The following STK10 variants were observed in gnomAD, a reference collection of about 807,000 sequenced individuals.
STK10 encodes the protein serine/threonine-protein kinase 10.
Under a neutral mutation model 113.8 loss-of-function variants are expected in STK10, and 78 were observed. The ratio of observed to expected loss-of-function variants is 0.69; its 90% CI spans 0.57 to 0.83. The LOEUF is 0.83. STK10 is among the 40% of genes least tolerant of loss of function. The pLI, the probability that STK10 is intolerant of heterozygous loss-of-function variation, is 0.00. For synonymous variants in STK10, 465 were observed against 494.7 expected (o/e 0.94, Z 0.80); for missense variants, 1,109 against 1,280.1 (o/e 0.87, Z 2.04).
At chr5:172,113,662 A>G (rs995686681) in intron 4 of STK10, among the ~76,000 whole-genome samples, 4 of 152,216 alleles carry the variant, frequency 2.6e-5, no homozygotes, top group African/African-American at 9.6e-5. Flanking sequence ...CATGCCTGTA[A>G]TCCCAGCACT....
At chr5:172,063,025 G>A (rs1390872032) in intron 13 of STK10, among the ~76,000 whole-genome samples, 4 of 152,280 alleles carry the variant, frequency 2.6e-5, no homozygotes, top group Non-Finnish European at 5.9e-5. Context: ...TGAGGCAGGC[G>A]GATCACCTGA....
chr5:172,134,920 T>A (rs1262140928), intron 2 of STK10, among the ~76,000 whole-genome samples: 1 of 144,464 alleles, frequency 6.9e-6, no homozygotes, highest in Non-Finnish European at 1.5e-5. Context: ...CAAGACTTTA[T>A]CTCAAAAAAA....
rs1413657456 is a variant in STK10, at chr5:172,080,295, C to T, written c.1989+2031G>A. Reference sequence around the variant, plus strand: ...TCAGGCCTCCCTATTCTCTGAGACACAACGATATTGATATTAGGCCAATTA... The same window carrying T: ...TCAGGCCTCCCTATTCTCTGAGACATAACGATATTGATATTAGGCCAATTA... On this transcript the variant is annotated intron_variant, in intron 12 of 18. Transcript: ENST00000176763. 2.0e-5 allele frequency among the ~76,000 whole-genome samples: 3 copies of T among 152,114 alleles called. 1 individual carries two copies. The highest frequency in any genetic ancestry group is 2.0e-4 in the Admixed American group (3 of 15,268).
chr5:172,141,759 T>C (rs1160460661), intron 2 of STK10, among the ~76,000 whole-genome samples: 1 of 152,012 alleles, frequency 6.6e-6, no homozygotes, highest in Non-Finnish European at 1.5e-5. Context: ...CTATATGCGC[T>C]CTCAGAGGGT....
intron 6 of STK10, among the ~76,000 whole-genome samples, chr5:172,106,258 C>T (rs1173145813): frequency 2.0e-5 from 3 of 151,756 alleles, no homozygotes; most frequent in Middle Eastern, 6.8e-3. Flanking sequence ...GAAAATTAGC[C>T]AGGCATGGTG....
At chr5:172,169,187 G>C (rs1000734746) in intron 1 of STK10, among the ~76,000 whole-genome samples, 1 of 152,136 alleles carries the variant, frequency 6.6e-6, no homozygotes, top group African/African-American at 2.4e-5. Flanking sequence ...GAATCTCTTT[G>C]CACCTTGTTA....
intron 7 of STK10, among the ~76,000 whole-genome samples, chr5:172,099,260 G>T (rs535125201): frequency 1.3e-5 from 2 of 152,272 alleles, no homozygotes; most frequent in East Asian, 1.9e-4. Context: ...GCCCGTTATG[G>T]CCCGGCACAG....
chr5:172,089,228 A>C (rs572720460), intron 10 of STK10, among the ~76,000 whole-genome samples: 7 of 152,304 alleles, frequency 4.6e-5, no homozygotes, highest in African/African-American at 1.7e-4. Context: ...CCCCTACTCC[A>C]AGCACTCACT....
chr5:172,102,686 A>G (rs11739777), intron 7 of STK10, among the ~76,000 whole-genome samples: 18,286 of 152,156 alleles, frequency 0.12, 1,133 homozygotes, highest in African/African-American at 0.13. Context: ...GACCAACACC[A>G]AGGCTGACCC....
intron 1 of STK10, among the ~76,000 whole-genome samples, chr5:172,175,950 T>C (rs562093814): frequency 3.3e-4 from 51 of 152,284 alleles, no homozygotes; most frequent in African/African-American, 1.1e-3. Flanking sequence ...ATGATGGACA[T>C]GTAGGAACTG....
chr5:172,070,982 C>A (rs1217811975), intron 12 of STK10, among the ~76,000 whole-genome samples: 3 of 151,690 alleles, frequency 2.0e-5, no homozygotes, highest in Non-Finnish European at 2.9e-5. Context: ...CTGAGGCGGG[C>A]AGATCACCTG....
intron 2 of STK10, among the ~76,000 whole-genome samples, chr5:172,131,075 C>T (rs904680986): frequency 1.1e-4 from 16 of 146,486 alleles, no homozygotes; most frequent in African/African-American, 4.1e-4. Flanking sequence ...ACTCTGTTGC[C>T]CAGGCTGGAG....
chr5:172,049,088 C>T (rs1561786533), intron 18 of STK10, among the ~76,000 whole-genome samples: 1 of 152,124 alleles, frequency 6.6e-6, no homozygotes, highest in Non-Finnish European at 1.5e-5. Context: ...TTTGTGACCC[C>T]CCCATGCTGT....
At chr5:172,089,278 A>G (rs1768634514) in intron 10 of STK10, among the ~76,000 whole-genome samples, 1 of 152,150 alleles carries the variant, frequency 6.6e-6, no homozygotes, top group African/African-American at 2.4e-5. Flanking sequence ...ATGTACCACA[A>G]TCAGGGATTA....
At chr5:172,047,456 C>T (rs932425407) in intron 18 of STK10, among the ~76,000 whole-genome samples, 5 of 152,224 alleles carry the variant, frequency 3.3e-5, no homozygotes, top group Non-Finnish European at 5.9e-5. Flanking sequence ...GCAGAACCAA[C>T]CTATGTCAGC....
chr5:172,055,922 G>T, intron 15 of STK10, 146 bp from the exon 16 acceptor site: 1 of 537,190 alleles, frequency 1.9e-6, no homozygotes, highest in Non-Finnish European at 2.9e-6. Context: ...GTGTTATTTT[G>T]CTTCTACACT....
rs941533027 is a variant in STK10 at position 172,133,489 on chromosome 5, G to A, written c.322-6068C>T. The stretch of plus-strand genomic sequence containing the variant: ...GGGGTAGAAGCAGGGTGCTAAGCCA[G>A]TCAGGAAAATTTTCTGCCTCGTGCC... On this transcript the variant is annotated intron_variant, in intron 2 of 18. Coordinates refer to ENST00000176763, the MANE Select transcript of STK10 (RefSeq NM_005990.4). This position sits in a 1 kb window ranked among gnomAD's most constrained non-coding sequence, Gnocchi z 4.9. 2.0e-5 allele frequency among the ~76,000 whole-genome samples: 3 copies of A among 152,178 alleles called. No individual in the cohort carries two copies. Among genetic ancestry groups the A allele is most frequent in the African/African-American group, 7.2e-5 (3 of 41,446 alleles).
chr5:172,075,482 T>C (rs1581142421), intron 12 of STK10, among the ~76,000 whole-genome samples: 2 of 151,914 alleles, frequency 1.3e-5, no homozygotes, highest in Non-Finnish European at 2.9e-5. Context: ...TTCAAGACCA[T>C]CCTGGCCAAC....
intron 1 of STK10, among the ~76,000 whole-genome samples, chr5:172,161,092 C>T (rs1360313103): frequency 6.6e-6 from 1 of 152,168 alleles, no homozygotes; most frequent in Non-Finnish European, 1.5e-5. Context: ...GACGAGACAG[C>T]ATGCTTATGA....
Sources: gnomAD v4.1 joint callset for allele counts (sites outside exome capture counted in the v4.1 genomes callset) on GRCh38, gnomAD v4.1.1 for gene constraint, Gnocchi (gnomAD v3.1) non-coding constraint, MANE v1.5 for transcripts, NCBI Gene and HGNC (gene_info 2026-07-23, HGNC 2026-07-21) for gene names.